Variants in ZNF665 observed in about 807,000 individuals in gnomAD.
The protein encoded by ZNF665 is zinc finger protein 665.
Under a neutral mutation model 7.9 loss-of-function variants are expected in ZNF665, and 6 were observed. The ratio of observed to expected loss-of-function variants is 0.76; its 90% confidence interval spans 0.42 to 1.50. The LOEUF (loss-of-function observed/expected upper bound fraction) is 1.50. Among genes scored for constraint, ZNF665 ranks in the 40% most tolerant of loss-of-function variants. The pLI is 0.01. For synonymous variants in ZNF665, 242 were observed against 274.5 expected (o/e 0.88, Z 1.17); for missense variants, 819 against 806.7 (o/e 1.02, Z -0.18).
chr19:53,166,188 T>C lies in ZNF665; in HGVS notation c.302A>G (p.Gln101Arg). ...VQKNTYDFEC[Q>R]WKDDEGNYKT... is the part of the protein sequence containing the mutation. ...ATAATTTCCTTCATCATCTTTCCAC[T>C]GACACTCAAAGTCGTATGTATTTTT... The change falls in exon 4 of 4, where the codon CAG becomes CGG. Residue 101 changes from glutamine to arginine, a missense_variant. Physicochemically the swap from Gln to Arg is conservative, Grantham distance 43. Transcript: ENST00000396424. 1 of 1,613,992 alleles carries C rather than the reference T, an allele frequency of 6.2e-7. No homozygotes were observed. Among genetic ancestry groups the C allele is most frequent in the Non-Finnish European group, 8.5e-7 (1 of 1,179,896 alleles).
At chr19:53,181,778 A>G (rs2090739510) in intron 2 of ZNF665, 1 of 152,246 alleles carries the variant, frequency 6.6e-6, no homozygotes, top group Non-Finnish European at 1.5e-5. Context: ...ATAGAGGACT[A>G]GAACTCCCAA....
intron 1 of ZNF665, chr19:53,191,720 TGTA>T (rs2090818107): frequency 6.6e-6 from 1 of 152,246 alleles, no homozygotes. Context: ...GGTGCATGCC[TGTA>T]ATCCCAGCTA....
chr19:53,180,628 CAAT>C (rs1324001593), intron 2 of ZNF665: 1 of 152,106 alleles, frequency 6.6e-6, no homozygotes, highest in Non-Finnish European at 1.5e-5. Flanking sequence ...AGATGTGTCT[CAAT>C]GATGTATTTT....
intron 2 of ZNF665, chr19:53,182,213 CAA>C (rs11322164): frequency 9.1e-5 from 14 of 154,680 alleles, no homozygotes; most frequent in East Asian, 3.8e-4. Context: ...ATTAAAAATA[CAA>C]AAAAAAATAG....
chr19:53,171,524 A>ATTTTT (rs1215685651), intron 3 of ZNF665, among the ~76,000 whole-genome samples: 95 of 69,326 alleles, frequency 1.4e-3, no homozygotes, highest in African/African-American at 2.4e-3. Context: ...ATATATATAT[A>ATTTTT]TTTTTTTTTT....
chr19:53,173,243 T>C (rs1453730942), intron 3 of ZNF665, among the ~76,000 whole-genome samples: 1 of 152,162 alleles, frequency 6.6e-6, no homozygotes, highest in East Asian at 1.9e-4. Flanking sequence ...TCCATTTCAT[T>C]CTCCTGTGTG....
Position 53,165,955 on chromosome 19 carries a change from T to C in ZNF665, c.535A>G (p.Lys179Glu), listed in dbSNP as rs1322599581. 1 of 1,613,886 alleles carries C rather than the reference T, an allele frequency of 6.2e-7. No individual in the cohort carries two copies. The highest frequency in any genetic ancestry group is 1.3e-5 in the African/African-American group (1 of 74,938). The change falls in exon 4 of 4, where the codon AAA becomes GAA. Residue 179 changes from lysine (K) to glutamate (E), a missense_variant. Coordinates refer to ENST00000396424, the MANE Select transcript of ZNF665 (RefSeq NM_024733.5). ...AAGACCTTGCCACATTCATCACATT[T>C]ATAATGTTTTCCTCGATTATTAGGA... The part of the protein sequence containing the change: ...KSPNNRGKHY[K>E]CDECGKVFSQ...
chr19:53,175,416 C>A (rs768541502), intron 3 of ZNF665, 29 bp downstream of exon 3: 1 of 1,599,596 alleles, frequency 6.3e-7, no homozygotes, highest in Non-Finnish European at 8.5e-7. Context: ...GAGAACAGAC[C>A]CTGACTTCTA....
intron 2 of ZNF665, among the ~76,000 whole-genome samples, chr19:53,178,540 A>G (rs2090714607): frequency 1.3e-5 from 2 of 152,182 alleles, no homozygotes; most frequent in South Asian, 2.1e-4. Context: ...CCTGGGCAAC[A>G]TAGCAAGACC....
At position 53,165,782 on chromosome 19, in the gene ZNF665, A is replaced by T; in HGVS notation, c.708T>A (p.Cys236Ter). The change falls in exon 4 of 4, where the codon TGT becomes TGA. Residue 236 changes from cysteine to a stop codon, truncating the protein, a stop_gained. Transcript: ENST00000396424. LOFTEE classifies it low-confidence loss of function (END_TRUNC). ...GACTGAAGACCTTTCCACATTCATT[A>T]CATTTGTAAGGTTTTTCTCCAGTAT... Reference protein sequence around the residue: ...VIHTGEKPYKCNECGKVFSQP... With the variant: ...VIHTGEKPYK The T allele has an allele frequency of 1.2e-6, 2 of 1,614,138 alleles. No homozygotes were observed. Among genetic ancestry groups the T allele is most frequent in the Non-Finnish European group, 1.7e-6 (2 of 1,180,024 alleles).
chr19:53,179,671 T>C (rs2090724141), intron 2 of ZNF665: 1 of 152,276 alleles, frequency 6.6e-6, no homozygotes, highest in African/African-American at 2.4e-5. Flanking sequence ...AAACTGAGTG[T>C]TTCTCTGACC....
chr19:53,177,958 T>C (rs997527136), intron 2 of ZNF665, among the ~76,000 whole-genome samples: 3 of 152,178 alleles, frequency 2.0e-5, no homozygotes, highest in Non-Finnish European at 4.4e-5. Context: ...CCCAGGTGTC[T>C]AGGAATTAAA....
intron 3 of ZNF665, among the ~76,000 whole-genome samples, chr19:53,167,558 T>G (rs1159369701): frequency 6.7e-6 from 1 of 150,148 alleles, no homozygotes; most frequent in Non-Finnish European, 1.5e-5. Context: ...GCCATTCTCC[T>G]GCCTCAGCCT....
intron 2 of ZNF665, among the ~76,000 whole-genome samples, chr19:53,179,033 C>T (rs112038874): frequency 1.3e-5 from 2 of 152,120 alleles, no homozygotes; most frequent in Non-Finnish European, 2.9e-5. Flanking sequence ...AGGACTTTCT[C>T]ACTGGAAATT....
At position 53,168,055 on chromosome 19, in the gene ZNF665, C is replaced by A. The variant is rs867699967; in HGVS notation, c.143-1708G>T. On this transcript the variant is annotated intron_variant, in intron 3 of 3. Transcript: ENST00000396424. Reference sequence around the variant, plus strand: ...TGGGCGACACAGCCTGACTCCCTCTCAAAAAAAAAAAAAAAAAAAAAAAAA... The same window carrying A: ...TGGGCGACACAGCCTGACTCCCTCTAAAAAAAAAAAAAAAAAAAAAAAAAA... Among the ~76,000 whole-genome samples the A allele has an allele frequency of 2.1e-4, 14 of 66,386 alleles. 1 individual carries two copies. Among genetic ancestry groups the A allele is most frequent in the African/African-American group, 6.1e-4 (11 of 18,160 alleles). 43.6% of individuals were successfully genotyped at this position (66,386 alleles called of 152,430 possible).
chr19:53,174,579 C>T (rs2090682278), intron 3 of ZNF665, among the ~76,000 whole-genome samples: 1 of 152,102 alleles, frequency 6.6e-6, no homozygotes, highest in South Asian at 2.1e-4. Context: ...CTCCACATTC[C>T]AGGGCTCCTT....
intron 3 of ZNF665, among the ~76,000 whole-genome samples, chr19:53,168,843 GAA>G (rs1324883902): frequency 6.6e-6 from 1 of 152,088 alleles, no homozygotes; most frequent in Non-Finnish European, 1.5e-5. Flanking sequence ...ATTCCATGGA[GAA>G]AAGACAGTCT....
intron 2 of ZNF665, among the ~76,000 whole-genome samples, chr19:53,178,813 C>CTTTGCATAAAGTAGTATAATATAG (rs1198161812): frequency 3.3e-5 from 5 of 152,142 alleles, no homozygotes; most frequent in Non-Finnish European, 5.9e-5. Context: ...GTGTCTGTCT[C>CTTTGCATAAAGTAGTATAATATAG]TTTGCATAAA....
chr19:53,166,106 A>G lies in ZNF665; in HGVS notation c.384T>C (p.Asp128=), dbSNP rs571008199. The part of the protein sequence containing the change: ...ENLPGRRAQR[D]RRAAGNRHIE... ...TATGCCTGTTTCCTGCAGCCCTTCT[A>G]TCACGTTGAGCTCTTCTACCAGGGA... Residue 128 remains aspartate (D), a synonymous_variant, in exon 4 of 4, where the codon GAT becomes GAC. Coordinates refer to ENST00000396424, the MANE Select transcript of ZNF665 (RefSeq NM_024733.5). The G allele has an allele frequency of 3.0e-5, 49 of 1,613,958 alleles. No individual in the cohort carries two copies. Among genetic ancestry groups the G allele is most frequent in the South Asian group, 1.4e-4 (13 of 91,078 alleles).
Sources: gnomAD v4.1 joint callset for allele counts (sites outside exome capture counted in the v4.1 genomes callset) on GRCh38, gnomAD v4.1.1 for gene constraint, MANE v1.5 for transcripts, NCBI Gene and HGNC (gene_info 2026-07-23, HGNC 2026-07-21) for gene names.